Variants in KRT2 observed in about 807,000 individuals in gnomAD.
KRT2 encodes keratin 2.
Under a neutral mutation model 48.5 loss-of-function variants are expected in KRT2, and 37 were observed. The observed-to-expected ratio is 0.76, with a 90% confidence interval of 0.59 to 1.00. The LOEUF is 1.00. Among genes scored for constraint, KRT2 ranks in the 50% least tolerant of loss-of-function variants. The pLI is 0.00. For missense variants in KRT2, 880 were observed against 815.2 expected, an observed-to-expected ratio of 1.08 and a Z score of -0.97; for synonymous variants, 324 against 312.2, an observed-to-expected ratio of 1.04 and a Z score of -0.40.
At chr12:52,650,025 T>C in intron 2 of KRT2, 51 bp from the exon 3 acceptor site, 1 of 1,379,136 alleles carries the variant, frequency 7.3e-7, no homozygotes, top group Non-Finnish European at 1.0e-6. Context: ...CTTCATTTTT[T>C]TTCTTTTCCT....
chr12:52,648,166 T>C lies in KRT2; in HGVS notation c.1122+7A>G. ...GCTGTGGCTCTTCCTACATTCCCTC[T>C]ACTTGCCTTGCTGTGGTACAGGGCC... On this transcript the variant is annotated splice_region_variant and intron_variant, in intron 5 of 8. Transcript: ENST00000309680. The C allele has an allele frequency of 6.2e-7, 1 of 1,614,138 alleles. No homozygotes were observed. The highest frequency in any genetic ancestry group is 1.3e-5 in the African/African-American group (1 of 75,054).
rs1038351833 is a variant in KRT2, at chr12:52,647,924, G to A, written c.1123-69C>T. 19 of 1,591,502 alleles carry A rather than the reference G, an allele frequency of 1.2e-5. No homozygotes were observed. The African/African-American group carries it at 1.5e-4, about 12-fold the overall frequency. ...TGGCTCACATTCCAGACTGACTGGA[G>A]TGAAGGAGAGCTGGTTACTGGTCCA... On this transcript the variant is annotated intron_variant, in intron 5 of 8. Transcript: ENST00000309680.
intron 3 of KRT2, 59 bp from the exon 4 acceptor site, chr12:52,649,161 C>T: frequency 9.8e-7 from 1 of 1,020,544 alleles, no homozygotes; most frequent in East Asian, 2.4e-5. Context: ...CTTCCTCTCT[C>T]TGCCACTCCC....
In KRT2 at chr12:52,650,493, T is replaced by C; in HGVS notation, c.646A>G (p.Met216Val). ...TTGATGGGGCGGGTGCCAACATTCA[T>C]TTGTTGTAGCAGCTCCCATTTGGTC... ...LQTKWELLQQ[M>V]NVGTRPINLE... Residue 216 changes from methionine to valine, a missense_variant, in exon 2 of 9, where the codon ATG (methionine) becomes GTG (valine). Transcript: ENST00000309680. The C allele has an allele frequency of 2.5e-6, 4 of 1,613,588 alleles. No homozygotes were observed. The highest frequency in any genetic ancestry group is 1.3e-5 in the African/African-American group (1 of 75,010).
chr12:52,652,209 G>T lies in KRT2; in HGVS notation c.-67C>A. ...GAGTCAAGGCTGGAGACTCAACTGT[G>T]CTGCTGGGAGGCTTTCAGGGTCCCC... On this transcript the variant is annotated 5_prime_UTR_variant, in exon 1 of 9. Transcript: ENST00000309680. 2.5e-6 allele frequency: 3 copies of T among 1,214,088 alleles called. No homozygotes were observed. Among genetic ancestry groups the T allele is most frequent in the Non-Finnish European group, 3.5e-6 (3 of 852,426 alleles). 75.2% of individuals were successfully genotyped at this position (1,214,088 alleles called of 1,614,324 possible).
rs550638564 is a variant in KRT2 at position 52,645,355 on chromosome 12, G to A, written c.1584C>T (p.Ser528=). The A allele has an allele frequency of 6.8e-5, 109 of 1,614,108 alleles. No homozygotes were observed. Among genetic ancestry groups the A allele is most frequent in the Admixed American group, 2.8e-4 (17 of 60,020 alleles). The change falls in exon 9 of 9, where the codon TCC becomes TCT. Residue 528 remains serine, a synonymous_variant. Transcript: ENST00000309680. ...TGCTTCCAGAGCTGTATCCTCCTCC[G>A]GAACTGGACCCTCTACCTCCAGAAC... The part of the protein sequence containing the change: ...FGGSGGRGSS[S]GGGYSSGSSS...
chr12:52,649,575 A>G (rs1326052315), intron 3 of KRT2, among the ~76,000 whole-genome samples: 1 of 152,216 alleles, frequency 6.6e-6, no homozygotes, highest in Non-Finnish European at 1.5e-5. Flanking sequence ...AGCAACTTTA[A>G]GCAGGCATTC....
chr12:52,647,882 G>T lies in KRT2; in HGVS notation c.1123-27C>A, dbSNP rs758539743. On this transcript the variant is annotated intron_variant, in intron 5 of 8. Transcript: ENST00000309680. ...TGATATGGGGAGAAGAGGACAGTTTGCAAGGAAGTTCCAGCCTGGCTCACA... is the reference window on the plus strand; with the variant it reads ...TGATATGGGGAGAAGAGGACAGTTTTCAAGGAAGTTCCAGCCTGGCTCACA... The T allele has an allele frequency of 1.9e-6, 3 of 1,613,926 alleles. No homozygotes were observed. The South Asian group carries it at 3.3e-5, about 18-fold the overall frequency.
At chr12:52,650,312 C>T in intron 2 of KRT2, 27 bp downstream of exon 2, 4 of 1,583,710 alleles carry the variant, frequency 2.5e-6, no homozygotes, top group Non-Finnish European at 2.6e-6. Flanking sequence ...TGTTTATCTC[C>T]ACTCAGCGTT....
At chr12:52,649,566 G>A (rs1204736487) in intron 3 of KRT2, among the ~76,000 whole-genome samples, 1 of 152,176 alleles carries the variant, frequency 6.6e-6, no homozygotes, top group Non-Finnish European at 1.5e-5. Flanking sequence ...ACAACCAACA[G>A]CAACTTTAAG....
rs777733979 is a variant in KRT2, at chr12:52,645,114, C to A, written c.1825G>T (p.Gly609Ter). 1 of 1,613,710 alleles carries A rather than the reference C, an allele frequency of 6.2e-7. No homozygotes were observed. The highest frequency in any genetic ancestry group is 2.2e-5 in the East Asian group (1 of 44,874). The change falls in exon 9 of 9, where the codon GGA becomes TGA. Residue 609 changes from glycine to a stop codon, truncating the protein, a stop_gained. Transcript: ENST00000309680. LOFTEE classifies it low-confidence loss of function (END_TRUNC). Reference protein sequence around the residue: ...GGGSRGGSSSGGGYGSGGGGS... With the variant: ...GGGSRGGSSS ...CCACCTCCAGAGCCATATCCTCCTC[C>A]AGAGCTGGAGCCTCCTCTAGAGCCA...
rs1941136925 is a variant in KRT2, at chr12:52,644,841, T to A, written c.*178A>T. 2.9e-6 allele frequency: 2 copies of A among 679,878 alleles called. No individual in the cohort carries two copies. Among genetic ancestry groups the A allele is most frequent in the East Asian group, 5.4e-5 (2 of 36,886 alleles). The allele number at this position is 679,878 out of a possible 1,614,324, so 42.1% of individuals were successfully genotyped here. A position where few individuals can be genotyped will look rare whatever the true frequency, so the allele number is the denominator to read the frequency against. ...AGAGGCGTCACTGGCTCTAACTAAC[T>A]GGTTTGGAGAGAAGATCTTTCAAAA... On this transcript the variant is annotated 3_prime_UTR_variant, in exon 9 of 9. Coordinates refer to ENST00000309680, the MANE Select transcript of KRT2 (RefSeq NM_000423.3).
rs1276456163 is a variant in KRT2, at chr12:52,649,109, G to A, written c.862-7C>T. On this transcript the variant is annotated splice_region_variant and splice_polypyrimidine_tract_variant and intron_variant, in intron 3 of 8. Transcript: ENST00000309680. ...TGTAGGCATTGTCCACGTCCTGCAA[G>A]AAAGGTTGAGGCCTCTGGTGTATGG... The A allele has an allele frequency of 6.3e-7, 1 of 1,579,092 alleles. No homozygotes were observed. The highest frequency in any genetic ancestry group is 8.7e-7 in the Non-Finnish European group (1 of 1,148,346).
chr12:52,647,974 C>T, intron 5 of KRT2, 119 bp from the exon 6 acceptor site: 2 of 1,351,428 alleles, frequency 1.5e-6, no homozygotes, highest in Non-Finnish European at 1.0e-6. Flanking sequence ...AGCTAAATGT[C>T]ATGGCTGCAT....
chr12:52,645,512 C>T, intron 8 of KRT2, 23 bp downstream of exon 8: 2 of 1,614,156 alleles, frequency 1.2e-6, no homozygotes, highest in Non-Finnish European at 8.5e-7. Context: ...CCCCATGGAA[C>T]AGGACCACAC....
At position 52,649,852 on chromosome 12, in the gene KRT2, G is replaced by A. The variant is rs632952; in HGVS notation, c.861+62C>T. 0.14 allele frequency: 179,795 copies of A among 1,292,700 alleles called. 14,413 individuals carry two copies. The highest frequency in any genetic ancestry group is 0.26 in the Admixed American group (15,650 of 59,594). 80.1% of individuals were successfully genotyped at this position (1,292,700 alleles called of 1,614,324 possible). The stretch of plus-strand genomic sequence containing the variant: ...AGTTGATTTCCAAACTGGCTGCTTA[G>A]ACACAATGGGGCTGTGAAGCACTCC... On this transcript the variant is annotated intron_variant, in intron 3 of 8. Transcript: ENST00000309680.
intron 6 of KRT2, 81 bp from the exon 7 acceptor site, chr12:52,647,041 A>C: frequency 1.5e-6 from 2 of 1,304,150 alleles, no homozygotes; most frequent in East Asian, 4.6e-5. Context: ...AGGAAGCCAG[A>C]ACCACTGGCC....
At chr12:52,645,493 G>A in intron 8 of KRT2, 42 bp downstream of exon 8, 1 of 1,613,940 alleles carries the variant, frequency 6.2e-7, no homozygotes, top group Non-Finnish European at 8.5e-7. Flanking sequence ...GCCTCCACCT[G>A]ACACAACACC....
Position 52,652,098 on chromosome 12 carries a change from A to T in KRT2, c.45T>A (p.Gly15=), listed in dbSNP as rs748520569. 3 of 1,584,656 alleles carry T rather than the reference A, an allele frequency of 1.9e-6. No individual in the cohort carries two copies. The highest frequency in any genetic ancestry group is 2.7e-5 in the African/African-American group (2 of 74,546). ...TGCTGAAGCCCCGGAATCCTCCTCC[A>T]CCTCCTCCTCTTCCTCGAGATTTGC... The part of the protein sequence containing the change: ...ISCKSRGRGG[G]GGGFRGFSSG... Residue 15 remains glycine, a synonymous_variant, in exon 1 of 9, where the codon GGT becomes GGA. Transcript: ENST00000309680.
Sources: allele counts gnomAD v4.1 joint callset (sites outside exome capture counted in the v4.1 genomes callset), GRCh38; gene constraint gnomAD v4.1.1; transcripts MANE v1.5; gene names NCBI Gene and HGNC (gene_info 2026-07-23, HGNC 2026-07-21).